CLHC1: variants seen among roughly 807,000 people sequenced by gnomAD.
CLHC1 encodes the protein clathrin heavy chain linker domain-containing protein 1.
CLHC1 carries 72 observed loss-of-function variants against 69.5 expected under a neutral mutation model. The ratio of observed to expected loss-of-function variants is 1.04; its 90% confidence interval spans 0.86 to 1.26. The LOEUF (loss-of-function observed/expected upper bound fraction) is 1.26. Ranked by LOEUF, CLHC1 falls within the 50% of genes most tolerant of loss-of-function variation. CLHC1 has a pLI of 0.00. For missense variants in CLHC1, 790 were observed against 679.3 expected (o/e 1.16, Z -1.81); for synonymous variants, 223 against 224.3 (o/e 0.99, Z 0.05).
At chr2:55,184,174 C>A (rs999789953) in intron 9 of CLHC1, among the ~76,000 whole-genome samples, 1 of 149,106 alleles carries the variant, frequency 6.7e-6, no homozygotes, top group Non-Finnish European at 1.5e-5. Context: ...GGCACGATCA[C>A]GGCTCACTGT....
intron 1 of CLHC1, among the ~76,000 whole-genome samples, chr2:55,229,678 C>T (rs941954263): frequency 2.6e-5 from 4 of 152,234 alleles, no homozygotes; most frequent in African/African-American, 9.6e-5. Flanking sequence ...AGCACTGGAG[C>T]AACAGCCTCA....
chr2:55,193,807 C>A (rs538787601), intron 9 of CLHC1, among the ~76,000 whole-genome samples: 1 of 152,082 alleles, frequency 6.6e-6, no homozygotes, highest in Non-Finnish European at 1.5e-5. Context: ...TGTAACCACA[C>A]AAAAACTTGT....
At chr2:55,178,148 G>T (rs1348190462) in intron 11 of CLHC1, among the ~76,000 whole-genome samples, 1 of 152,192 alleles carries the variant, frequency 6.6e-6, no homozygotes, top group African/African-American at 2.4e-5. Flanking sequence ...TCTGAAAAGT[G>T]TAGTATTAGA....
intron 3 of CLHC1, among the ~76,000 whole-genome samples, chr2:55,219,840 T>C (rs774391447): frequency 3.0e-4 from 46 of 152,192 alleles, no homozygotes; most frequent in Non-Finnish European, 6.2e-4. Flanking sequence ...TTGTACAATA[T>C]GCTACAGGAA....
At position 55,173,306 on chromosome 2, in the gene CLHC1, T is replaced by G. The variant is rs148154156; in HGVS notation, c.*2484A>C. On this transcript the variant is annotated 3_prime_UTR_variant, in exon 13 of 13. Coordinates refer to ENST00000401408, the MANE Select transcript of CLHC1 (RefSeq NM_152385.4). Reference sequence around the variant, plus strand: ...ATTAGATAATGCTAAGGAATTATTATTAGTAACTTTTAAAATACGTTGTGT... The same window carrying G: ...ATTAGATAATGCTAAGGAATTATTAGTAGTAACTTTTAAAATACGTTGTGT... 7.4e-4 allele frequency among the ~76,000 whole-genome samples: 112 copies of G among 152,358 alleles called. 1 individual carries two copies. The East Asian group carries it at 0.019, about 25-fold the overall frequency.
At position 55,222,909 on chromosome 2, in the gene CLHC1, A is replaced by T. The variant is rs1037635343; in HGVS notation, c.-82-416T>A. Reference sequence around the variant, plus strand: ...CACTCCAGCCTGGGCAACAAGAGCGAAACTGTCTCAAAAAAAAAAAAAAAA... The same window carrying T: ...CACTCCAGCCTGGGCAACAAGAGCGTAACTGTCTCAAAAAAAAAAAAAAAA... On this transcript the variant is annotated intron_variant, in intron 2 of 12. Transcript: ENST00000401408. Among the ~76,000 whole-genome samples, 5 of 137,750 alleles carry T rather than the reference A, an allele frequency of 3.6e-5. No individual in the cohort carries two copies. The South Asian group carries it at 1.2e-3, about 32-fold the overall frequency. 90.4% of individuals were successfully genotyped at this position (137,750 alleles called of 152,430 possible). A position where few individuals can be genotyped will look rare whatever the true frequency, so the allele number is the denominator to read the frequency against.
At chr2:55,211,732 T>G (rs1673031640) in intron 5 of CLHC1, among the ~76,000 whole-genome samples, 2 of 152,128 alleles carry the variant, frequency 1.3e-5, no homozygotes, top group Non-Finnish European at 2.9e-5. Context: ...TTATCTTTTC[T>G]CAAAGTCTTT....
At chr2:55,226,729 T>C (rs1674744470) in intron 2 of CLHC1, among the ~76,000 whole-genome samples, 1 of 152,248 alleles carries the variant, frequency 6.6e-6, no homozygotes, top group Non-Finnish European at 1.5e-5. Flanking sequence ...CTTTCTGAAT[T>C]CAAGTGATTC....
intron 9 of CLHC1, among the ~76,000 whole-genome samples, chr2:55,201,889 T>G (rs1419008194): frequency 6.6e-6 from 1 of 152,088 alleles, no homozygotes; most frequent in Non-Finnish European, 1.5e-5. Context: ...GTATCCTATA[T>G]CAACAGAATG....
At chr2:55,230,093 T>C (rs1379281039) in intron 1 of CLHC1, among the ~76,000 whole-genome samples, 1 of 152,096 alleles carries the variant, frequency 6.6e-6, no homozygotes, top group Non-Finnish European at 1.5e-5. Context: ...AAAAAAAGAA[T>C]TGTTCTTGTT....
intron 8 of CLHC1, 29 bp from the exon 9 acceptor site, chr2:55,206,405 A>G: frequency 8.2e-7 from 1 of 1,219,262 alleles, no homozygotes; most frequent in Non-Finnish European, 1.2e-6. Flanking sequence ...AAAATGCATT[A>G]TAATGACACA....
rs72797578 is a variant in CLHC1, at chr2:55,218,896, G to A, written c.178-898C>T. On this transcript the variant is annotated intron_variant, in intron 3 of 12. Coordinates refer to ENST00000401408, the MANE Select transcript of CLHC1 (RefSeq NM_152385.4). ...AGCTGCAATTATGCTTTCTATTCCTGCTACATCTCTAGCCTCTGGTATCCC... is the reference window on the plus strand; with the variant it reads ...AGCTGCAATTATGCTTTCTATTCCTACTACATCTCTAGCCTCTGGTATCCC... Among the ~76,000 whole-genome samples the A allele has an allele frequency of 8.2e-3, 1,255 of 152,252 alleles. 11 individuals carry two copies. Among genetic ancestry groups the A allele is most frequent in the Non-Finnish European group, 0.013 (855 of 68,020 alleles).
chr2:55,199,970 T>C (rs1671782102), intron 9 of CLHC1, among the ~76,000 whole-genome samples: 1 of 152,052 alleles, frequency 6.6e-6, no homozygotes, highest in African/African-American at 2.4e-5. Flanking sequence ...ACACCTGTAA[T>C]CTCAGCATTT....
intron 2 of CLHC1, among the ~76,000 whole-genome samples, chr2:55,222,989 A>G (rs911736404): frequency 2.6e-5 from 4 of 151,798 alleles, no homozygotes; most frequent in African/African-American, 9.7e-5. Flanking sequence ...GGACAGAAAT[A>G]CCAAACACCA....
intron 9 of CLHC1, among the ~76,000 whole-genome samples, chr2:55,182,222 A>G (rs1449500330): frequency 2.0e-5 from 3 of 152,176 alleles, no homozygotes; most frequent in Admixed American, 6.5e-5. Flanking sequence ...CCTAATGCAA[A>G]CTATCCTGCT....
upstream of CLHC1, chr2:55,232,477 G>A (rs1675512257): frequency 5.4e-6 from 2 of 371,662 alleles, no homozygotes; most frequent in South Asian, 5.4e-5. Flanking sequence ...CATCTTTTAC[G>A]TTGCTTAAAC....
Position 55,222,301 on chromosome 2 carries a change from T to C in CLHC1, c.111A>G (p.Arg37=), listed in dbSNP as rs746930385. 3 of 1,613,718 alleles carry C rather than the reference T, an allele frequency of 1.9e-6. No individual in the cohort carries two copies. The highest frequency in any genetic ancestry group is 2.2e-5 in the East Asian group (1 of 44,848). Residue 37 remains arginine, a synonymous_variant, in exon 3 of 13, where the codon AGA becomes AGG. Coordinates refer to ENST00000401408, the MANE Select transcript of CLHC1 (RefSeq NM_152385.4). ...CAGGTCCTTCCTCACTACAGCCCAGTCTTTCAGTTTCTGTAATTATGTATC... is the reference window on the plus strand; with the variant it reads ...CAGGTCCTTCCTCACTACAGCCCAGCCTTTCAGTTTCTGTAATTATGTATC... ...VQRYIITETE[R]LGCSEEGPAD...
intron 4 of CLHC1, among the ~76,000 whole-genome samples, chr2:55,217,538 AAAAAAAAAAAAAAAATATAT>A (rs1486283521): frequency 2.5e-5 from 2 of 80,964 alleles, no homozygotes; most frequent in South Asian, 8.8e-4. Context: ...AAAAAAAAAA[AAAAAAAAAAAAAAAATATAT>A]ATATATATAT....
intron 9 of CLHC1, chr2:55,205,788 G>A (rs1398104719): frequency 2.6e-5 from 4 of 152,806 alleles, no homozygotes; most frequent in African/African-American, 2.4e-5. Context: ...CCAGCTACTC[G>A]GGAGGCTGAA....
Sources: allele counts gnomAD v4.1 joint callset (sites outside exome capture counted in the v4.1 genomes callset), GRCh38; gene constraint gnomAD v4.1.1; transcripts MANE v1.5; gene names NCBI Gene and HGNC (gene_info 2026-07-23, HGNC 2026-07-21).